Variants in SIRT5 observed in about 807,000 individuals in gnomAD.
SIRT5 encodes sirtuin 5.
In SIRT5, 26 loss-of-function variants were observed where a neutral mutation model predicts 40.0. The ratio of observed to expected loss-of-function variants is 0.65; its 90% CI spans 0.48 to 0.90. SIRT5 has a LOEUF of 0.90. SIRT5 is among the 40% of genes least tolerant of loss of function. The probability of loss-of-function intolerance (pLI) is 0.00; values close to 1 mark genes in which losing one functional copy is unlikely to be tolerated. For missense variants in SIRT5, 401 were observed against 402.4 expected (o/e 1.00, Z 0.03); for synonymous variants, 146 against 149.1 (o/e 0.98, Z 0.15).
At chr6:13,605,718 C>G (rs1322989488) in intron 9 of SIRT5, 1 of 985,272 alleles carries the variant, frequency 1.0e-6, no homozygotes, top group Non-Finnish European at 1.2e-6. Context: ...TCCAATAAAC[C>G]CTAGGCATTT....
At position 13,595,579 on chromosome 6, in the gene SIRT5, C is replaced by T. The variant is rs367921493; in HGVS notation, c.563+15C>T. 7.6e-6 allele frequency: 12 copies of T among 1,571,916 alleles called. No homozygotes were observed. The highest frequency in any genetic ancestry group is 2.7e-5 in the African/African-American group (2 of 74,084). ...TCAGGAAAAGGGTAATTATACCACA[C>T]TACAGAATAAGTATAGGTTGTTTTC... On this transcript the variant is annotated intron_variant, in intron 6 of 9. Coordinates refer to ENST00000606117, the MANE Select transcript of SIRT5 (RefSeq NM_012241.5).
At chr6:13,579,388 A>C (rs1339862925) in intron 1 of SIRT5, 63 bp from the exon 2 acceptor site, 1 of 152,130 alleles carries the variant, frequency 6.6e-6, no homozygotes, top group Non-Finnish European at 1.5e-5. Flanking sequence ...TTACAATCCT[A>C]CCTTCATGCC....
chr6:13,590,855 T>C (rs1760789404), intron 4 of SIRT5, among the ~76,000 whole-genome samples: 1 of 150,916 alleles, frequency 6.6e-6, no homozygotes, highest in African/African-American at 2.4e-5. Flanking sequence ...TGTGTGCAGT[T>C]GTGTGTGTAT....
At chr6:13,604,478 A>C (rs41273886) in intron 9 of SIRT5, 2 of 1,554,432 alleles carry the variant, frequency 1.3e-6, no homozygotes, top group African/African-American at 2.7e-5. Flanking sequence ...CTTTTCAGTC[A>C]TTTGATCTCC....
intron 9 of SIRT5, among the ~76,000 whole-genome samples, chr6:13,611,327 C>T (rs754948047): frequency 4.7e-5 from 7 of 148,344 alleles, no homozygotes; most frequent in Non-Finnish European, 1.0e-4. Flanking sequence ...GCCAAACATA[C>T]GTGTTATATA....
In SIRT5 at chr6:13,611,883, G is replaced by T. The variant is rs141671237; in HGVS notation, c.*18G>T. On this transcript the variant is annotated 3_prime_UTR_variant, in exon 10 of 10. Transcript: ENST00000606117. ...TTTCTTAAGTGTCCTGGGGAAGAAA[G>T]AAATTACAGTATATCTAAGAACTAG... 6.3e-4 allele frequency: 1,018 copies of T among 1,612,340 alleles called. 6 individuals are homozygous for T. The African/African-American group carries it at 0.012, about 20-fold the overall frequency.
At chr6:13,609,313 A>G (rs1763540927) in intron 9 of SIRT5, among the ~76,000 whole-genome samples, 1 of 152,082 alleles carries the variant, frequency 6.6e-6, no homozygotes, top group African/African-American at 2.4e-5. Context: ...GGGAGACCGG[A>G]CCCCCGTAGA....
chr6:13,584,584 C>T (rs1759808366), intron 3 of SIRT5, among the ~76,000 whole-genome samples: 1 of 152,038 alleles, frequency 6.6e-6, no homozygotes, highest in African/African-American at 2.4e-5. Context: ...CTCTTGATCT[C>T]GTAATTTGCC....
In SIRT5 at chr6:13,611,852, A is replaced by C. The variant is rs1435231496; in HGVS notation, c.920A>C (p.Glu307Ala). ...LPEALACHEN[E>A]TVS ...GAAGCCCTTGCCTGTCATGAAAATG[A>C]AACTGTTTCTTAAGTGTCCTGGGGA... is the stretch of plus-strand genomic sequence containing the variant. The change falls in exon 10 of 10, where the codon GAA becomes GCA. Residue 307 changes from glutamate to alanine, a missense_variant. Glu to Ala is a moderately radical substitution (Grantham distance 107). Coordinates refer to ENST00000606117, the MANE Select transcript of SIRT5 (RefSeq NM_012241.5). 6.2e-7 allele frequency: 1 copy of C among 1,613,912 alleles called. No homozygotes were observed. Among genetic ancestry groups the C allele is most frequent in the South Asian group, 1.1e-5 (1 of 91,086 alleles).
At position 13,592,009 on chromosome 6, in the gene SIRT5, A is replaced by G. The variant is rs542716723; in HGVS notation, c.475+115A>G. The G allele has an allele frequency of 1.8e-4, 177 of 987,242 alleles. 1 individual carries two copies. The African/African-American group carries it at 2.6e-3, about 15-fold the overall frequency. 61.2% of individuals were successfully genotyped at this position (987,242 alleles called of 1,614,324 possible). A position where few individuals can be genotyped will look rare whatever the true frequency, so the allele number is the denominator to read the frequency against. On this transcript the variant is annotated intron_variant, in intron 5 of 9. Coordinates refer to ENST00000606117, the MANE Select transcript of SIRT5 (RefSeq NM_012241.5). Reference sequence around the variant, plus strand: ...CCCTGCTGGACATCCGTCCTGTCCTATAGGATGCTGTGGCATTTCCTTTGG... The same window carrying G: ...CCCTGCTGGACATCCGTCCTGTCCTGTAGGATGCTGTGGCATTTCCTTTGG...
intron 2 of SIRT5, among the ~76,000 whole-genome samples, chr6:13,581,895 G>A (rs748109364): frequency 6.6e-6 from 1 of 152,102 alleles, no homozygotes; most frequent in Non-Finnish European, 1.5e-5. Context: ...CTCCCATGCC[G>A]CTAACATGAG....
At chr6:13,574,964 G>A (rs1183620209) in intron 1 of SIRT5, among the ~76,000 whole-genome samples, 1 of 152,186 alleles carries the variant, frequency 6.6e-6, no homozygotes, top group Non-Finnish European at 1.5e-5. Flanking sequence ...GGAGGCAGTG[G>A]GCGTGGAGAG....
In SIRT5 at chr6:13,611,946, G is replaced by C. The variant is rs1763987039; in HGVS notation, c.*81G>C. On this transcript the variant is annotated 3_prime_UTR_variant, in exon 10 of 10. Coordinates refer to ENST00000606117, the MANE Select transcript of SIRT5 (RefSeq NM_012241.5). ...GGAGAAATGGTCTTATGGGTGGTGA[G>C]CTGAGTACTGAACAATCTAAAAATA... 2 of 1,332,642 alleles carry C rather than the reference G, an allele frequency of 1.5e-6. No homozygotes were observed. The highest frequency in any genetic ancestry group is 1.1e-6 in the Non-Finnish European group (1 of 931,946). The allele number at this position is 1,332,642 out of a possible 1,614,324, so 82.6% of individuals were successfully genotyped here. A position where few individuals can be genotyped will look rare whatever the true frequency, so the allele number is the denominator to read the frequency against.
Position 13,613,688 on chromosome 6 carries a change from C to T in SIRT5, c.*1823C>T, listed in dbSNP as rs1024840403. The T allele has an allele frequency of 6.6e-6, 1 of 152,234 alleles. No individual in the cohort carries two copies. Among genetic ancestry groups the T allele is most frequent in the Admixed American group, 6.5e-5 (1 of 15,278 alleles). 9.4% of individuals were successfully genotyped at this position (152,234 alleles called of 1,614,324 possible). A position where few individuals can be genotyped will look rare whatever the true frequency, so the allele number is the denominator to read the frequency against. ...GAGAACCAGTCAGGGACCCTGAGGG[C>T]TCGATGTACACTTTACATGGGTGGG... is the stretch of plus-strand genomic sequence containing the variant. On this transcript the variant is annotated 3_prime_UTR_variant, in exon 10 of 10. Transcript: ENST00000606117.
intron 8 of SIRT5, among the ~76,000 whole-genome samples, chr6:13,599,381 C>G (rs1462225630): frequency 6.6e-6 from 1 of 152,060 alleles, no homozygotes; most frequent in Non-Finnish European, 1.5e-5. Context: ...GGAAACCATG[C>G]ATGTCTTGGG....
chr6:13,588,270 T>C, intron 3 of SIRT5, 61 bp from the exon 4 acceptor site: 1 of 1,564,444 alleles, frequency 6.4e-7, no homozygotes, highest in Middle Eastern at 1.9e-4. Flanking sequence ...TACAGACAAT[T>C]GATATGGGAT....
In SIRT5 at chr6:13,600,903, G is replaced by C. The variant is rs1277982798; in HGVS notation, c.811G>C (p.Val271Leu). 6 of 1,614,060 alleles carry C rather than the reference G, an allele frequency of 3.7e-6. No homozygotes were observed. The Admixed American group carries it at 1.0e-4, about 27-fold the overall frequency. Reference protein sequence around the residue: ...APQVAARGVPVAEFNTETTPA... With the variant: ...APQVAARGVPLAEFNTETTPA... ...CCAGGTGGCTGCCAGGGGCGTGCCA[G>C]TGGCTGAATTTAACACGGAGACCAC... Residue 271 changes from valine to leucine, a missense_variant, in exon 9 of 10, where the codon GTG becomes CTG. Physicochemically the swap from Val to Leu is conservative, Grantham distance 32 (BLOSUM62 1). Transcript: ENST00000606117.
Position 13,607,335 on chromosome 6 carries a change from G to C in SIRT5, c.858-4455G>C, listed in dbSNP as rs1465701931. ...TCTGTTTTTTTTTTTTCTTTTAAAG[G>C]AGAGCAAGAACTTAGGAAAAGAAAC... is the stretch of plus-strand genomic sequence containing the variant. On this transcript the variant is annotated intron_variant, in intron 9 of 9. Transcript: ENST00000606117. The surrounding 1 kb of genome is among the most constrained non-coding windows in gnomAD (Gnocchi z 4.0). Among the ~76,000 whole-genome samples, 2 of 151,630 alleles carry C rather than the reference G, an allele frequency of 1.3e-5. No homozygotes were observed. The highest frequency in any genetic ancestry group is 2.4e-5 in the African/African-American group (1 of 41,260).
intron 1 of SIRT5, among the ~76,000 whole-genome samples, chr6:13,578,472 T>C (rs963349736): frequency 1.3e-5 from 2 of 151,860 alleles, no homozygotes; most frequent in Non-Finnish European, 2.9e-5. Context: ...TACAAAAAAT[T>C]AGCCGGGCGT....
Sources: allele counts gnomAD v4.1 joint callset (sites outside exome capture counted in the v4.1 genomes callset), GRCh38; gene constraint gnomAD v4.1.1; non-coding constraint Gnocchi (gnomAD v3.1); transcripts MANE v1.5; gene names NCBI Gene and HGNC (gene_info 2026-07-23, HGNC 2026-07-21).